PROM1: variants seen among roughly 807,000 people sequenced by gnomAD.
The protein encoded by PROM1 is prominin 1.
Under a neutral mutation model 116.9 loss-of-function variants are expected in PROM1, and 105 were observed. The ratio of observed to expected loss-of-function variants is 0.90; its 90% confidence interval spans 0.77 to 1.06. The LOEUF is 1.06. Among genes scored for constraint, PROM1 ranks in the 50% least tolerant of loss-of-function variants. PROM1 has a pLI of 0.00. For synonymous variants in PROM1, 393 were observed against 387.0 expected, an observed-to-expected ratio of 1.02 and a Z score of -0.18; for missense variants, 1,122 against 1,045.2, an observed-to-expected ratio of 1.07 and a Z score of -1.01.
At chr4:16,074,206 C>T (rs1237854393) in intron 2 of PROM1, among the ~76,000 whole-genome samples, 1 of 151,970 alleles carries the variant, frequency 6.6e-6, no homozygotes, top group African/African-American at 2.4e-5. Context: ...TTTGAAATAA[C>T]TAAAAGAGTA....
At chr4:16,080,057 T>C (rs975009843) in intron 1 of PROM1, 1 of 140,942 alleles carries the variant, frequency 7.1e-6, no homozygotes, top group Non-Finnish European at 1.5e-5. Flanking sequence ...GCAAACGTAG[T>C]GGTGCACAAC....
chr4:16,062,599 T>G (rs930535303), intron 2 of PROM1, among the ~76,000 whole-genome samples: 1 of 152,196 alleles, frequency 6.6e-6, no homozygotes, highest in Non-Finnish European at 1.5e-5. Flanking sequence ...AATCTAGAAC[T>G]CTGAACTCTT....
At chr4:16,013,046 T>C (rs931385761) in intron 11 of PROM1, among the ~76,000 whole-genome samples, 1 of 152,188 alleles carries the variant, frequency 6.6e-6, no homozygotes, top group Non-Finnish European at 1.5e-5. Context: ...GTCAACCATG[T>C]GGCAGCTGCT....
intron 13 of PROM1, among the ~76,000 whole-genome samples, chr4:16,001,788 G>C (rs1029300702): frequency 4.6e-5 from 7 of 152,168 alleles, no homozygotes. Context: ...GTGGGGGAAG[G>C]AGAGCTATAG....
Position 16,034,656 on chromosome 4 carries a change from C to T in PROM1, c.303+1079G>A, listed in dbSNP as rs117163579. ...TCATTCCAATTCATGCATGTAGCTGCTTATATTTCTAAAGAATGGCAGAAA... is the reference window on the plus strand; with the variant it reads ...TCATTCCAATTCATGCATGTAGCTGTTTATATTTCTAAAGAATGGCAGAAA... On this transcript the variant is annotated intron_variant, in intron 4 of 27. Coordinates refer to ENST00000447510, the MANE Select transcript of PROM1 (RefSeq NM_006017.3). Among the ~76,000 whole-genome samples, 60 of 152,220 alleles carry T rather than the reference C, an allele frequency of 3.9e-4. No homozygotes were observed. The East Asian group carries it at 0.012, about 29-fold the overall frequency.
chr4:16,045,418 C>T (rs1261292727), intron 2 of PROM1, among the ~76,000 whole-genome samples: 1 of 152,194 alleles, frequency 6.6e-6, no homozygotes, highest in Non-Finnish European at 1.5e-5. Context: ...CCCCAGACCA[C>T]ACCACCCAAC....
At chr4:16,004,832 T>TTCTCTTTTCTTCCTTC (rs1203366908) in intron 13 of PROM1, among the ~76,000 whole-genome samples, 1 of 122,506 alleles carries the variant, frequency 8.2e-6, no homozygotes, top group Admixed American at 8.4e-5. Context: ...TCTTTCTTTT[T>TTCTCTTTTCTTCCTTC]CTTCCTTCCT....
Position 16,008,819 on chromosome 4 carries a change from A to G in PROM1, c.1301+130T>C, listed in dbSNP as rs73122474. Reference sequence around the variant, plus strand: ...TTCTAATGAACATAAACTGGGGTTAACATATATCAGGTCATGGCCTCCTTG... The same window carrying G: ...TTCTAATGAACATAAACTGGGGTTAGCATATATCAGGTCATGGCCTCCTTG... On this transcript the variant is annotated intron_variant, in intron 12 of 27. Coordinates refer to ENST00000447510, the MANE Select transcript of PROM1 (RefSeq NM_006017.3). The G allele has an allele frequency of 4.3e-3, 3,605 of 837,694 alleles. 92 individuals carry two copies. In the African/African-American group the frequency reaches 0.056, roughly 13 times the overall value. 51.9% of individuals were successfully genotyped at this position (837,694 alleles called of 1,614,324 possible).
chr4:15,989,976 T>C (rs2240684), intron 18 of PROM1, among the ~76,000 whole-genome samples, 152 bp from the exon 19 acceptor site: 144,358 of 152,194 alleles, frequency 0.95, 68,555 homozygotes, highest in Middle Eastern at 0.99. Flanking sequence ...GTGTGAGGGA[T>C]AGTGCCAAGA....
intron 14 of PROM1, among the ~76,000 whole-genome samples, chr4:15,999,236 C>A (rs1418752888): frequency 1.3e-5 from 2 of 151,912 alleles, no homozygotes; most frequent in African/African-American, 2.4e-5. Flanking sequence ...CTTTGGGAGG[C>A]CAAGGTGGGC....
intron 5 of PROM1, among the ~76,000 whole-genome samples, chr4:16,026,929 C>A (rs1252824843): frequency 1.3e-5 from 2 of 152,094 alleles, no homozygotes; most frequent in Non-Finnish European, 2.9e-5. Flanking sequence ...AAATCACTTT[C>A]TTTCTGTGGA....
At position 16,039,027 on chromosome 4, in the gene PROM1, ATAT is replaced by A. The variant is rs1560546044; in HGVS notation, c.221-29_221-27del. 3 of 1,456,136 alleles carry A rather than the reference ATAT, an allele frequency of 2.1e-6. No homozygotes were observed. The African/African-American group carries it at 4.4e-5, about 21-fold the overall frequency. The allele number at this position is 1,456,136 out of a possible 1,614,324, so 90.2% of individuals were successfully genotyped here. A position where few individuals can be genotyped will look rare whatever the true frequency, so the allele number is the denominator to read the frequency against. ...CTGGAAAAAAAGCCACAAAATAGCA[ATAT>A]TATTTTTTCAGTAAAATTATAAAAT... On this transcript the variant is annotated intron_variant, in intron 2 of 27. Transcript: ENST00000447510.
intron 5 of PROM1, among the ~76,000 whole-genome samples, chr4:16,032,644 G>A (rs1018059698): frequency 5.3e-5 from 8 of 152,138 alleles, no homozygotes; most frequent in African/African-American, 1.9e-4. Flanking sequence ...CTCATCTTCA[G>A]ATGAGCAATC....
intron 8 of PROM1, among the ~76,000 whole-genome samples, chr4:16,022,417 G>T (rs1560507612): frequency 6.6e-6 from 1 of 152,162 alleles, no homozygotes; most frequent in Non-Finnish European, 1.5e-5. Flanking sequence ...CAAGGAGAAA[G>T]GGAAGGAAAG....
intron 2 of PROM1, among the ~76,000 whole-genome samples, chr4:16,043,191 T>G (rs1246802727): frequency 2.8e-4 from 42 of 152,346 alleles, no homozygotes; most frequent in Non-Finnish European, 4.4e-5. Flanking sequence ...TGAGACCTTC[T>G]GGTCTGAGCC....
chr4:16,042,775 C>A (rs1184363405), intron 2 of PROM1, among the ~76,000 whole-genome samples: 1 of 152,164 alleles, frequency 6.6e-6, no homozygotes, highest in East Asian at 1.9e-4. Flanking sequence ...GAAAAGACTA[C>A]TAAAGTACTG....
intron 26 of PROM1, among the ~76,000 whole-genome samples, chr4:15,976,504 C>A (rs995405780): frequency 2.0e-5 from 3 of 152,190 alleles, no homozygotes; most frequent in African/African-American, 7.2e-5. Flanking sequence ...GGAAGTCTAC[C>A]CTCCTTTGTG....
At chr4:16,052,522 G>A (rs980130917) in intron 2 of PROM1, among the ~76,000 whole-genome samples, 7 of 152,188 alleles carry the variant, frequency 4.6e-5, no homozygotes, top group Non-Finnish European at 7.3e-5. Context: ...GGTCACTCAG[G>A]CTGGAGTGCA....
At chr4:15,992,745 T>C (rs1360868288) in intron 16 of PROM1, among the ~76,000 whole-genome samples, 3 of 152,320 alleles carry the variant, frequency 2.0e-5, no homozygotes, top group Middle Eastern at 3.4e-3. Context: ...ATGGGTCCCA[T>C]GGCTTCTAAG....
Sources: allele counts gnomAD v4.1 joint callset (sites outside exome capture counted in the v4.1 genomes callset), GRCh38; gene constraint gnomAD v4.1.1; transcripts MANE v1.5; gene names NCBI Gene and HGNC (gene_info 2026-07-23, HGNC 2026-07-21).